Variants in CADPS observed in about 807,000 individuals in gnomAD.
CADPS encodes the protein calcium dependent secretion activator.
In CADPS, 57 loss-of-function variants were observed where a neutral mutation model predicts 167.3. The observed-to-expected ratio is 0.34, with a 90% CI of 0.28 to 0.42. CADPS has a LOEUF of 0.42. CADPS is among the 20% of genes least tolerant of loss of function. The pLI, the probability that CADPS is intolerant of heterozygous loss-of-function variation, is 1.00. For synonymous variants in CADPS, 676 were observed against 635.3 expected, an observed-to-expected ratio of 1.06 and a Z score of -0.96; for missense variants, 1,414 against 1,738.1, an observed-to-expected ratio of 0.81 and a Z score of 3.32.
chr3:62,691,918 C>A (rs1321948603), intron 3 of CADPS, among the ~76,000 whole-genome samples: 1 of 151,904 alleles, frequency 6.6e-6, no homozygotes, highest in Admixed American at 6.6e-5. Flanking sequence ...TGCACATGTA[C>A]CCCTGAACTA....
intron 3 of CADPS, among the ~76,000 whole-genome samples, chr3:62,687,252 G>C (rs1274093631): frequency 6.6e-6 from 1 of 152,052 alleles, no homozygotes; most frequent in Non-Finnish European, 1.5e-5. Flanking sequence ...ATTTAAAATG[G>C]CTAAAATTCA....
intron 1 of CADPS, among the ~76,000 whole-genome samples, chr3:62,836,580 A>C (rs1037834819): frequency 6.6e-6 from 1 of 152,172 alleles, no homozygotes; most frequent in Non-Finnish European, 1.5e-5. Flanking sequence ...CTACAAAAGC[A>C]TAAAGGTGAG....
At chr3:62,646,541 T>C (rs1426278625) in intron 5 of CADPS, among the ~76,000 whole-genome samples, 1 of 152,180 alleles carries the variant, frequency 6.6e-6, no homozygotes, top group Non-Finnish European at 1.5e-5. Context: ...GGCTCATAAA[T>C]TCACTTTTTG....
chr3:62,790,810 A>C (rs1252694619), intron 1 of CADPS, among the ~76,000 whole-genome samples: 1 of 152,206 alleles, frequency 6.6e-6, no homozygotes, highest in Non-Finnish European at 1.5e-5. Flanking sequence ...CACATGGAGA[A>C]AAGTCACATT....
chr3:62,654,305 A>T lies in CADPS; in HGVS notation c.970-3225T>A, dbSNP rs547505181. Among the ~76,000 whole-genome samples, 9 of 152,270 alleles carry T rather than the reference A, an allele frequency of 5.9e-5. No individual in the cohort carries two copies. The South Asian group carries it at 1.9e-3, about 32-fold the overall frequency. Reference sequence around the variant, plus strand: ...GAGCTTACAGCTACTGGGGAGAAAGATCTATAACAGAACATCAAGGTAGGT... The same window carrying T: ...GAGCTTACAGCTACTGGGGAGAAAGTTCTATAACAGAACATCAAGGTAGGT... On this transcript the variant is annotated intron_variant, in intron 4 of 29. Transcript: ENST00000383710.
intron 6 of CADPS, among the ~76,000 whole-genome samples, chr3:62,608,589 T>C (rs755908590): frequency 1.3e-5 from 2 of 152,180 alleles, no homozygotes; most frequent in Non-Finnish European, 2.9e-5. Flanking sequence ...GAAAGTTGAA[T>C]TGAGTTGTAA....
chr3:62,533,995 G>T (rs1043991500), intron 12 of CADPS, among the ~76,000 whole-genome samples: 1 of 152,178 alleles, frequency 6.6e-6, no homozygotes, highest in African/African-American at 2.4e-5. Context: ...GAGCAGGTTT[G>T]GTGGCATGAT....
At chr3:62,568,396 T>C (rs910076072) in intron 9 of CADPS, among the ~76,000 whole-genome samples, 3 of 152,166 alleles carry the variant, frequency 2.0e-5, no homozygotes, top group African/African-American at 7.2e-5. Context: ...ACGAAGCAGG[T>C]GGAAGGAGGT....
chr3:62,596,660 C>T (rs1578459770), intron 6 of CADPS, among the ~76,000 whole-genome samples: 1 of 152,164 alleles, frequency 6.6e-6, no homozygotes, highest in East Asian at 1.9e-4. Flanking sequence ...TAACTATATT[C>T]ACCCTGTAGT....
chr3:62,449,981 G>A (rs967058317), intron 26 of CADPS, among the ~76,000 whole-genome samples: 1 of 152,094 alleles, frequency 6.6e-6, no homozygotes, highest in Non-Finnish European at 1.5e-5. Flanking sequence ...CAGTAATAAC[G>A]CTACTCAAAG....
intron 3 of CADPS, among the ~76,000 whole-genome samples, chr3:62,713,793 C>G (rs887378324): frequency 1.3e-5 from 2 of 152,140 alleles, no homozygotes; most frequent in Non-Finnish European, 2.9e-5. Context: ...GATACTGTAA[C>G]CCAGCCCTGG....
At chr3:62,673,746 T>G (rs1025519168) in intron 3 of CADPS, among the ~76,000 whole-genome samples, 3 of 152,186 alleles carry the variant, frequency 2.0e-5, no homozygotes, top group Admixed American at 6.5e-5. Flanking sequence ...GCAGCTGATT[T>G]GATGGGAAAT....
intron 3 of CADPS, among the ~76,000 whole-genome samples, chr3:62,746,333 C>A (rs531003010): frequency 6.6e-6 from 1 of 152,110 alleles, no homozygotes; most frequent in Non-Finnish European, 1.5e-5. Context: ...ATCAGGCAAT[C>A]CATTGATTGA....
Position 62,474,246 on chromosome 3 carries a change from C to T in CADPS, c.3404G>A (p.Cys1135Tyr), listed in dbSNP as rs1313557880. 6.4e-7 allele frequency: 1 copy of T among 1,572,148 alleles called. No individual in the cohort carries two copies. Among genetic ancestry groups the T allele is most frequent in the East Asian group, 2.4e-5 (1 of 41,502 alleles). Residue 1135 changes from cysteine to tyrosine, a missense_variant, in exon 24 of 30, where the codon TGC becomes TAC. By Grantham distance (194) the Cys-to-Tyr change is radical. Coordinates refer to ENST00000383710, the MANE Select transcript of CADPS (RefSeq NM_003716.4). Reference protein sequence around the residue: ...STDFRVPQSICTMFNVMVDAK... With the variant: ...STDFRVPQSIYTMFNVMVDAK... ...ATCAACCATAACATTAAACATGGTG[C>T]ATATTGACTGTGGGACTCGAAAATC...
At chr3:62,490,027 C>A (rs2063447737) in intron 21 of CADPS, among the ~76,000 whole-genome samples, 1 of 152,110 alleles carries the variant, frequency 6.6e-6, no homozygotes, top group Non-Finnish European at 1.5e-5. Flanking sequence ...TAGGGAAACT[C>A]CTCTTGTGGC....
At chr3:62,572,489 A>G (rs1407104271) in intron 8 of CADPS, among the ~76,000 whole-genome samples, 1 of 152,098 alleles carries the variant, frequency 6.6e-6, no homozygotes, top group East Asian at 1.9e-4. Flanking sequence ...AAATCTTATC[A>G]TGCCTTTTCC....
intron 8 of CADPS, among the ~76,000 whole-genome samples, chr3:62,581,396 T>C (rs895006188): frequency 6.6e-6 from 1 of 151,070 alleles, no homozygotes; most frequent in Non-Finnish European, 1.5e-5. Flanking sequence ...ACTGAAATTG[T>C]CTGTTTGGAT....
At chr3:62,812,776 A>G (rs1263642633) in intron 1 of CADPS, among the ~76,000 whole-genome samples, 1 of 152,196 alleles carries the variant, frequency 6.6e-6, no homozygotes, top group African/African-American at 2.4e-5. Flanking sequence ...GCATCTCTCC[A>G]TAAGAGAGAG....
intron 1 of CADPS, among the ~76,000 whole-genome samples, chr3:62,792,706 C>T (rs2093055318): frequency 6.6e-6 from 1 of 152,172 alleles, no homozygotes; most frequent in Admixed American, 6.5e-5. Context: ...AACAATCCCC[C>T]TGCATTAGCT....
Sources: allele counts gnomAD v4.1 joint callset (sites outside exome capture counted in the v4.1 genomes callset), GRCh38; gene constraint gnomAD v4.1.1; transcripts MANE v1.5; gene names NCBI Gene and HGNC (gene_info 2026-07-23, HGNC 2026-07-21).